The following TMEM232 variants were observed in gnomAD, a reference collection of about 807,000 sequenced individuals.
TMEM232 encodes transmembrane protein 232.
In TMEM232, 80 loss-of-function variants were observed where a neutral mutation model predicts 78.8. The ratio of observed to expected loss-of-function variants is 1.01; its 90% CI spans 0.85 to 1.22. The LOEUF is 1.22. Ranked by LOEUF, TMEM232 falls within the 50% of genes most tolerant of loss-of-function variation. The probability of loss-of-function intolerance (pLI) is 0.00; values close to 1 mark genes in which losing one functional copy is unlikely to be tolerated. For synonymous variants in TMEM232, 297 were observed against 254.3 expected (o/e 1.17, Z -1.60); for missense variants, 881 against 742.2 (o/e 1.19, Z -2.17).
At chr5:110,486,983 C>G (rs1764534546) in intron 12 of TMEM232, among the ~76,000 whole-genome samples, 1 of 151,622 alleles carries the variant, frequency 6.6e-6, no homozygotes, top group Non-Finnish European at 1.5e-5. Context: ...TCATCTATGA[C>G]TTCTTTCAGC....
rs972240520 is a variant in TMEM232 at position 110,419,759 on chromosome 5, G to A, written c.*821C>T. Among the ~76,000 whole-genome samples, 1 of 152,038 alleles carries A rather than the reference G, an allele frequency of 6.6e-6. No individual in the cohort carries two copies. The highest frequency in any genetic ancestry group is 1.5e-5 in the Non-Finnish European group (1 of 67,974). On this transcript the variant is annotated 3_prime_UTR_variant, in exon 14 of 14. Coordinates refer to ENST00000455884, the MANE Select transcript of TMEM232 (RefSeq NM_001039763.4). The stretch of plus-strand genomic sequence containing the variant: ...TCATCTGTGTGAAATCGAGGTATGA[G>A]TATTATCTATATTTTTCAGTTTTCA...
At chr5:110,517,176 A>G (rs1768799380) in intron 12 of TMEM232, among the ~76,000 whole-genome samples, 1 of 152,154 alleles carries the variant, frequency 6.6e-6, no homozygotes, top group African/African-American at 2.4e-5. Flanking sequence ...AAAGAACTGT[A>G]TGATTTAAAT....
intron 2 of TMEM232, among the ~76,000 whole-genome samples, chr5:110,405,731 TA>T (rs36094551): frequency 0.023 from 3,065 of 135,586 alleles, 81 homozygotes; most frequent in African/African-American, 0.071. Context: ...GGACACAGTT[TA>T]AAAAAAAAAA....
chr5:110,451,317 T>C (rs745641916), intron 12 of TMEM232, among the ~76,000 whole-genome samples: 1 of 152,196 alleles, frequency 6.6e-6, no homozygotes, highest in Non-Finnish European at 1.5e-5. Context: ...ACCTAGAATA[T>C]ATGCCTGAAA....
chr5:110,576,671 T>C lies in TMEM232; in HGVS notation c.1277-8046A>G, dbSNP rs551026789. ...TACATTAGCCAAAACAGCATGATAC[T>C]GATACAAAAACAGATACATAGACCA... is the stretch of plus-strand genomic sequence containing the variant. On this transcript the variant is annotated intron_variant, in intron 10 of 13. Transcript: ENST00000455884. 9.2e-5 allele frequency among the ~76,000 whole-genome samples: 14 copies of C among 152,196 alleles called. No homozygotes were observed. The South Asian group carries it at 2.9e-3, about 32-fold the overall frequency.
rs17132102 is a variant in TMEM232, at chr5:110,419,949, A to G, written c.*631T>C. Among the ~76,000 whole-genome samples, 4,872 of 152,126 alleles carry G rather than the reference A, an allele frequency of 0.032. 268 individuals are homozygous for G. The highest frequency in any genetic ancestry group is 0.11 in the African/African-American group (4,619 of 41,500). ...CAGGTTCATAAGAATTCATTCTCATAAACTCACAGAACAGAGTAAAACCAC... is the reference window on the plus strand; with the variant it reads ...CAGGTTCATAAGAATTCATTCTCATGAACTCACAGAACAGAGTAAAACCAC... On this transcript the variant is annotated 3_prime_UTR_variant, in exon 14 of 14. Coordinates refer to ENST00000455884, the MANE Select transcript of TMEM232 (RefSeq NM_001039763.4).
At chr5:110,686,331 T>C (rs1435333618) in intron 1 of TMEM232, among the ~76,000 whole-genome samples, 3 of 152,088 alleles carry the variant, frequency 2.0e-5, no homozygotes, top group South Asian at 4.1e-4. Context: ...GAGAAGGCAA[T>C]GTCACATGGA....
At chr5:110,528,918 G>A (rs986044769) in intron 11 of TMEM232, 83 bp from the exon 12 acceptor site, 2 of 1,148,274 alleles carry the variant, frequency 1.7e-6, no homozygotes, top group African/African-American at 1.6e-5. Flanking sequence ...ATTTTTTAAA[G>A]TATCTTTATT....
chr5:110,736,154 A>G (rs1580836765), intron 1 of TMEM232, among the ~76,000 whole-genome samples: 1 of 152,212 alleles, frequency 6.6e-6, no homozygotes, highest in Non-Finnish European at 1.5e-5. Flanking sequence ...TTCCTGTGTT[A>G]TGAGTTTCTC....
intron 12 of TMEM232, among the ~76,000 whole-genome samples, chr5:110,480,117 A>C (rs562705906): frequency 1.3e-5 from 2 of 151,730 alleles, no homozygotes; most frequent in African/African-American, 4.8e-5. Flanking sequence ...AGCTTATTTT[A>C]TATGCTATAG....
chr5:110,431,889 G>A (rs1256044412), intron 12 of TMEM232, among the ~76,000 whole-genome samples: 1 of 151,596 alleles, frequency 6.6e-6, no homozygotes. Context: ...AGACATATAT[G>A]AGAATGTTCC....
Position 110,658,187 on chromosome 5 carries a change from A to C in TMEM232, c.125+9041T>G, listed in dbSNP as rs559625942. On this transcript the variant is annotated intron_variant, in intron 2 of 13. Transcript: ENST00000455884. ...ACTGATTTGGGGTCTGGGCTTTTGA[A>C]GTCAGACACTGGAAATATCCTCTGT... Among the ~76,000 whole-genome samples the C allele has an allele frequency of 7.2e-5, 11 of 152,266 alleles. No individual in the cohort carries two copies. In the East Asian group the frequency reaches 1.7e-3, roughly 24 times the overall value.
chr5:110,431,442 A>G (rs1287253300), intron 12 of TMEM232, among the ~76,000 whole-genome samples: 2 of 151,712 alleles, frequency 1.3e-5, no homozygotes, highest in Non-Finnish European at 3.0e-5. Flanking sequence ...ATGCTCTGCC[A>G]TCAATCAAGA....
At chr5:110,397,853 G>A (rs1755449651) in exon 3 of TMEM232, 1 of 152,668 alleles carries the variant, frequency 6.6e-6, no homozygotes, top group East Asian at 1.9e-4. Flanking sequence ...TGTTGCTTCT[G>A]TCTGGAGTAA....
intron 8 of TMEM232, among the ~76,000 whole-genome samples, chr5:110,610,015 C>T (rs1488451676): frequency 6.6e-6 from 1 of 151,744 alleles, no homozygotes; most frequent in Non-Finnish European, 1.5e-5. Context: ...AAAGAAAAGC[C>T]TTGATGCCGA....
intron 12 of TMEM232, among the ~76,000 whole-genome samples, chr5:110,441,526 A>G (rs1759044038): frequency 6.6e-6 from 1 of 152,174 alleles, no homozygotes; most frequent in African/African-American, 2.4e-5. Context: ...CCCTTGTGTA[A>G]GTCCTTTTCC....
chr5:110,553,883 T>C (rs1220709444), intron 11 of TMEM232, among the ~76,000 whole-genome samples: 1 of 152,182 alleles, frequency 6.6e-6, no homozygotes, highest in Non-Finnish European at 1.5e-5. Flanking sequence ...TTGAGGTATG[T>C]GCTTCAATTC....
chr5:110,488,124 T>C (rs1413891929), intron 12 of TMEM232, among the ~76,000 whole-genome samples: 1 of 152,124 alleles, frequency 6.6e-6, no homozygotes, highest in Non-Finnish European at 1.5e-5. Context: ...CTTCTAGTTT[T>C]TCTAGTTTAT....
At chr5:110,497,131 C>A (rs1028124019) in intron 12 of TMEM232, among the ~76,000 whole-genome samples, 1 of 151,896 alleles carries the variant, frequency 6.6e-6, no homozygotes, top group Non-Finnish European at 1.5e-5. Flanking sequence ...CATACTTTCA[C>A]GTTCCCTGAC....
Sources: gnomAD v4.1 joint callset for allele counts (sites outside exome capture counted in the v4.1 genomes callset) on GRCh38, gnomAD v4.1.1 for gene constraint, MANE v1.5 for transcripts, NCBI Gene and HGNC (gene_info 2026-07-23, HGNC 2026-07-21) for gene names.